The following PRKN variants were observed in gnomAD, a reference collection of about 807,000 sequenced individuals.
PRKN encodes the protein parkin RBR E3 ubiquitin protein ligase.
A neutral mutation model predicts 59.5 loss-of-function variants in PRKN; 56 were observed. That is an observed-to-expected ratio of 0.94 (90% CI 0.76 to 1.18). The LOEUF is 1.18. Ranked by LOEUF, PRKN falls within the 50% of genes most tolerant of loss-of-function variation. The pLI is 0.00. For synonymous variants in PRKN, 250 were observed against 222.1 expected (o/e 1.13, Z -1.12); for missense variants, 657 against 596.4 (o/e 1.10, Z -1.06).
intron 1 of PRKN, chr6:162,568,847 C>G (rs910950006): frequency 2.8e-6 from 2 of 721,046 alleles, no homozygotes; most frequent in Non-Finnish European, 5.1e-6. Context: ...AGAACAAGTA[C>G]AAGGATGAGA....
At chr6:161,594,234 C>T (rs541858412) in intron 7 of PRKN, among the ~76,000 whole-genome samples, 8 of 152,274 alleles carry the variant, frequency 5.3e-5, no homozygotes, top group African/African-American at 1.9e-4. Context: ...ATTTAACACT[C>T]TTCAAGATGT....
chr6:162,384,855 G>C (rs969896624), intron 2 of PRKN, among the ~76,000 whole-genome samples: 1 of 152,060 alleles, frequency 6.6e-6, no homozygotes, highest in African/African-American at 2.4e-5. Flanking sequence ...ATTTGTTTAA[G>C]GAAGTAGAGT....
chr6:161,833,556 A>G (rs1265796678), intron 6 of PRKN, among the ~76,000 whole-genome samples: 1 of 151,618 alleles, frequency 6.6e-6, no homozygotes, highest in Non-Finnish European at 1.5e-5. Flanking sequence ...ATCTCTCTTC[A>G]TTGGTGCGAA....
intron 3 of PRKN, among the ~76,000 whole-genome samples, chr6:162,233,363 C>CTTGGTGTT (rs1778504961): frequency 6.6e-6 from 1 of 152,094 alleles, no homozygotes; most frequent in South Asian, 2.1e-4. Context: ...TAATGCATAT[C>CTTGGTGTT]TCGTAATTCA....
chr6:161,746,077 G>A (rs1260574194), intron 7 of PRKN, among the ~76,000 whole-genome samples: 3 of 152,200 alleles, frequency 2.0e-5, no homozygotes, highest in African/African-American at 7.2e-5. Context: ...AGGCAGGTTT[G>A]TGGGTACAGC....
intron 1 of PRKN, among the ~76,000 whole-genome samples, chr6:162,691,930 A>G (rs1777789014): frequency 6.6e-6 from 1 of 152,082 alleles, no homozygotes; most frequent in Non-Finnish European, 1.5e-5. Flanking sequence ...TGCTTTTATC[A>G]GGCTTTCATG....
rs1293518735 is a variant in PRKN, at chr6:161,533,273, A to G, written c.1083+15581T>C. Among the ~76,000 whole-genome samples the G allele has an allele frequency of 6.6e-6, 1 of 152,228 alleles. No individual in the cohort carries two copies. Among genetic ancestry groups the G allele is most frequent in the Non-Finnish European group, 1.5e-5 (1 of 68,038 alleles). On this transcript the variant is annotated intron_variant, in intron 9 of 11. Coordinates refer to ENST00000366898, the MANE Select transcript of PRKN (RefSeq NM_004562.3). The surrounding 1 kb of genome is among the most constrained non-coding windows in gnomAD (Gnocchi z 4.1). ...GTGATACAGGAGTTGTAAAGAAATT[A>G]CTTGGGCAGTGAGGGTATGGAAGTC...
At position 162,650,597 on chromosome 6, in the gene PRKN, CA is replaced by C. The variant is rs142452684; in HGVS notation, c.7+77064del. On this transcript the variant is annotated intron_variant, in intron 1 of 11. Coordinates refer to ENST00000366898, the MANE Select transcript of PRKN (RefSeq NM_004562.3). ...TGGGCGACAGAGCGAGACTCCGTCT[CA>C]AAAAAAAAAAAAAAAAAGAAAACTC... Among the ~76,000 whole-genome samples the C allele has an allele frequency of 8.8e-3, 841 of 95,304 alleles. 3 individuals carry two copies. The highest frequency in any genetic ancestry group is 0.042 in the South Asian group (108 of 2,598). The allele number at this position is 95,304 out of a possible 152,430, so 62.5% of individuals were successfully genotyped here.
intron 1 of PRKN, among the ~76,000 whole-genome samples, chr6:162,602,342 G>C (rs1017671392): frequency 6.6e-6 from 1 of 152,208 alleles, no homozygotes; most frequent in Non-Finnish European, 1.5e-5. Context: ...AAGCTGGGAA[G>C]CAAGGGGAGG....
chr6:162,304,033 CAAAT>C (rs1782092234), intron 2 of PRKN, among the ~76,000 whole-genome samples: 1 of 151,120 alleles, frequency 6.6e-6, no homozygotes, highest in Non-Finnish European at 1.5e-5. Context: ...CATACTGAAA[CAAAT>C]AAACCTAATT....
intron 6 of PRKN, among the ~76,000 whole-genome samples, chr6:161,906,024 G>A (rs1778132837): frequency 6.6e-6 from 1 of 151,554 alleles, no homozygotes; most frequent in Non-Finnish European, 1.5e-5. Flanking sequence ...GAGAGACAGG[G>A]TCTCACTATG....
intron 7 of PRKN, among the ~76,000 whole-genome samples, chr6:161,730,508 G>A (rs1207441696): frequency 6.6e-6 from 1 of 150,908 alleles, no homozygotes; most frequent in East Asian, 1.9e-4. Context: ...AGTCTGATGT[G>A]TTGCATTCTG....
chr6:162,525,113 AGCCCACACCTGG>A (rs1266619904), intron 1 of PRKN, among the ~76,000 whole-genome samples: 1 of 152,160 alleles, frequency 6.6e-6, no homozygotes, highest in Non-Finnish European at 1.5e-5. Context: ...GGGAGGCCCC[AGCCCACACCTGG>A]GCTCCAAGCG....
At chr6:161,658,027 AAAAAAAAG>A (rs1227042577) in intron 7 of PRKN, among the ~76,000 whole-genome samples, 43 of 146,356 alleles carry the variant, frequency 2.9e-4, no homozygotes, top group African/African-American at 9.5e-4. Flanking sequence ...AAAAAAAAAA[AAAAAAAAG>A]AAAAGAAAAG....
chr6:161,748,568 G>T (rs1331262763), intron 7 of PRKN, among the ~76,000 whole-genome samples: 3 of 152,152 alleles, frequency 2.0e-5, no homozygotes, highest in Non-Finnish European at 2.9e-5. Flanking sequence ...GATTCCATCA[G>T]TCCATGGAAA....
At chr6:162,563,322 A>AC (rs1554245217) in intron 1 of PRKN, among the ~76,000 whole-genome samples, 287 of 34,008 alleles carry the variant, frequency 8.4e-3, no homozygotes, top group Non-Finnish European at 0.012. Flanking sequence ...AAAAACAAAA[A>AC]AAAAAAAACA....
At chr6:162,426,729 G>A (rs1420945862) in intron 2 of PRKN, among the ~76,000 whole-genome samples, 2 of 152,178 alleles carry the variant, frequency 1.3e-5, no homozygotes, top group Non-Finnish European at 2.9e-5. Context: ...TTACAGGCAT[G>A]AGCCACCATA....
chr6:162,158,092 G>A (rs1345516344), intron 4 of PRKN, among the ~76,000 whole-genome samples: 2 of 151,866 alleles, frequency 1.3e-5, no homozygotes, highest in African/African-American at 4.8e-5. Context: ...ATAAGTTTTT[G>A]GCATATTTTC....
rs34838356 is a variant in PRKN at position 162,414,726 on chromosome 6, A to AAAAAAAAAAAAAAAAAAAAAAAAGT, written c.171+28583_171+28584insACTTTTTTTTTTTTTTTTTTTTTTT. Reference sequence around the variant, plus strand: ...ACTCCGTCTCAAAAAAAAAAAAAAAAAGTGAATCTTTGAAGTTTTAAAATA... The same window carrying AAAAAAAAAAAAAAAAAAAAAAAAGT: ...ACTCCGTCTCAAAAAAAAAAAAAAAAAAAAAAAAAAAAAAAAAAAAAAAGTAGTGAATCTTTGAAGTTTTAAAATA... On this transcript the variant is annotated intron_variant, in intron 2 of 11. Coordinates refer to ENST00000366898, the MANE Select transcript of PRKN (RefSeq NM_004562.3). Among the ~76,000 whole-genome samples, 48 of 91,858 alleles carry AAAAAAAAAAAAAAAAAAAAAAAAGT rather than the reference A, an allele frequency of 5.2e-4. 11 individuals are homozygous for AAAAAAAAAAAAAAAAAAAAAAAAGT. Among genetic ancestry groups the AAAAAAAAAAAAAAAAAAAAAAAAGT allele is most frequent in the East Asian group, 7.4e-4 (2 of 2,696 alleles). 60.3% of individuals were successfully genotyped at this position (91,858 alleles called of 152,430 possible). A position where few individuals can be genotyped will look rare whatever the true frequency, so the allele number is the denominator to read the frequency against.
Sources: gnomAD v4.1 joint callset for allele counts (sites outside exome capture counted in the v4.1 genomes callset) on GRCh38, gnomAD v4.1.1 for gene constraint, Gnocchi (gnomAD v3.1) non-coding constraint, MANE v1.5 for transcripts, NCBI Gene and HGNC (gene_info 2026-07-23, HGNC 2026-07-21) for gene names.